USP42: variants seen among roughly 807,000 people sequenced by gnomAD.
USP42 encodes the protein ubiquitin carboxyl-terminal hydrolase 42.
A neutral mutation model predicts 113.0 loss-of-function variants in USP42; 23 were observed. The observed-to-expected ratio is 0.20, with a 90% CI of 0.15 to 0.29. The LOEUF is 0.29. USP42 is among the 10% of genes least tolerant of loss of function. The pLI, the probability that USP42 is intolerant of heterozygous loss-of-function variation, is 1.00. For synonymous variants in USP42, 933 were observed against 699.0 expected (o/e 1.33, Z -5.28); for missense variants, 2,174 against 1,779.8 (o/e 1.22, Z -3.99).
intron 12 of USP42, among the ~76,000 whole-genome samples, chr7:6,148,162 A>G (rs562864890): frequency 1.1e-4 from 17 of 152,128 alleles, no homozygotes; most frequent in Admixed American, 2.0e-4. Context: ...CCAGGGTGAA[A>G]CCCCGTCTCC....
chr7:6,111,385 T>A lies in USP42; in HGVS notation c.241+11T>A. ...CACAAAAGGATCAAGGTACTGTTTT[T>A]CAAAAGAGAGAATTACCGCCAGAAA... On this transcript the variant is annotated intron_variant, in intron 2 of 17. Transcript: ENST00000306177. The A allele has an allele frequency of 2.5e-6, 4 of 1,605,770 alleles. No homozygotes were observed. Among genetic ancestry groups the A allele is most frequent in the Non-Finnish European group, 3.4e-6 (4 of 1,173,974 alleles).
intron 3 of USP42, among the ~76,000 whole-genome samples, chr7:6,123,535 G>A (rs1049978740): frequency 3.3e-5 from 5 of 151,972 alleles, no homozygotes; most frequent in Non-Finnish European, 7.4e-5. Flanking sequence ...GGTGGCGGGC[G>A]CCTGTAGTCC....
In USP42 at chr7:6,161,215, T is replaced by C. The variant is rs1782760548; in HGVS notation, c.*697T>C. ...GTATGTTTCTATTACACAACACTTT[T>C]TGATACAGCGTCTCTTGTCTTCACT... is the stretch of plus-strand genomic sequence containing the variant. On this transcript the variant is annotated 3_prime_UTR_variant, in exon 18 of 18. Coordinates refer to ENST00000306177, the MANE Select transcript of USP42 (RefSeq NM_032172.3). 6.6e-6 allele frequency: 1 copy of C among 152,656 alleles called. No homozygotes were observed. Among genetic ancestry groups the C allele is most frequent in the South Asian group, 2.1e-4 (1 of 4,832 alleles). The allele number at this position is 152,656 out of a possible 1,614,324, so 9.5% of individuals were successfully genotyped here. A position where few individuals can be genotyped will look rare whatever the true frequency, so the allele number is the denominator to read the frequency against.
chr7:6,132,259 C>T (rs956442010), intron 3 of USP42, among the ~76,000 whole-genome samples: 5 of 152,322 alleles, frequency 3.3e-5, no homozygotes, highest in African/African-American at 1.2e-4. Flanking sequence ...AGATATTATT[C>T]CACTGTCTTC....
intron 3 of USP42, 27 bp downstream of exon 3, chr7:6,115,550 T>A (rs1256469892): frequency 6.2e-7 from 1 of 1,611,404 alleles, no homozygotes; most frequent in Non-Finnish European, 8.5e-7. Context: ...GTGTTTGTAG[T>A]ATTGTAGTGC....
At chr7:6,155,638 G>A (rs1481558875) in intron 15 of USP42, among the ~76,000 whole-genome samples, 1 of 152,174 alleles carries the variant, frequency 6.6e-6, no homozygotes, top group African/African-American at 2.4e-5. Flanking sequence ...GACAACAGGA[G>A]GCACACTTTT....
intron 1 of USP42, among the ~76,000 whole-genome samples, chr7:6,105,690 C>T (rs1779240628): frequency 6.6e-6 from 1 of 152,218 alleles, no homozygotes; most frequent in Non-Finnish European, 1.5e-5. Context: ...GGTGGCGCGT[C>T]CCCAAAAGCA....
At chr7:6,152,918 A>C in intron 14 of USP42, 1 of 985,336 alleles carries the variant, frequency 1.0e-6, no homozygotes, top group Non-Finnish European at 1.2e-6. Context: ...TCGAGAGGAA[A>C]GGAGGAGGCC....
At chr7:6,151,015 C>A (rs559659877) in intron 14 of USP42, among the ~76,000 whole-genome samples, 64 of 152,352 alleles carry the variant, frequency 4.2e-4, no homozygotes, top group African/African-American at 1.5e-3. Context: ...TCCTAGGCCA[C>A]AAACCTGCAC....
chr7:6,090,893 A>G, the USP42 span, among the ~76,000 whole-genome samples: 18 of 149,892 alleles, frequency 1.2e-4, 3 homozygotes, highest in African/African-American at 4.5e-4. Context: ...CCTTACGCTT[A>G]TAACTTAACT....
intron 1 of USP42, among the ~76,000 whole-genome samples, chr7:6,109,224 C>T (rs1326061671): frequency 6.6e-6 from 1 of 151,970 alleles, no homozygotes; most frequent in Non-Finnish European, 1.5e-5. Flanking sequence ...ATGTGCAGAG[C>T]CCAGAGACAG....
In USP42 at chr7:6,111,263, T is replaced by C. The variant is rs776775138; in HGVS notation, c.130T>C (p.Leu44=). The C allele has an allele frequency of 8.1e-6, 13 of 1,608,178 alleles. No individual in the cohort carries two copies. In the Admixed American group the frequency reaches 1.5e-4, roughly 19 times the overall value. The change falls in exon 2 of 18, where the codon TTG becomes CTG. Residue 44 remains leucine (L), a synonymous_variant. Transcript: ENST00000306177. The part of the protein sequence containing the change: ...GSASWGAVSS[L]NDVSNHTLSL... ...TGCCAGCTGGGGTGCTGTGTCTTCA[T>C]TGAATGATGTGTCAAATCACACACT... is the stretch of plus-strand genomic sequence containing the variant.
chr7:6,138,087 C>A lies in USP42; in HGVS notation c.554-1005C>A, dbSNP rs889877092. Among the ~76,000 whole-genome samples, 33 of 152,256 alleles carry A rather than the reference C, an allele frequency of 2.2e-4. No individual in the cohort carries two copies. In the South Asian group the frequency reaches 5.4e-3, roughly 25 times the overall value. On this transcript the variant is annotated intron_variant, in intron 4 of 17. Coordinates refer to ENST00000306177, the MANE Select transcript of USP42 (RefSeq NM_032172.3). The stretch of plus-strand genomic sequence containing the variant: ...CTGTGTGTGTGTGTATCCACTGATA[C>A]ACACATGGTTCAGTCATGAAGTTGT...
At chr7:6,122,389 G>A (rs1446233194) in intron 3 of USP42, among the ~76,000 whole-genome samples, 1 of 151,352 alleles carries the variant, frequency 6.6e-6, no homozygotes, top group African/African-American at 2.4e-5. Flanking sequence ...GGGTTCAAGT[G>A]ATCTTCCCAC....
intron 3 of USP42, among the ~76,000 whole-genome samples, chr7:6,115,795 TA>T (rs1433962004): frequency 2.0e-5 from 3 of 151,930 alleles, no homozygotes; most frequent in East Asian, 1.9e-4. Flanking sequence ...CTACACTTAC[TA>T]AAAAAATGTG....
chr7:6,106,292 G>C (rs1189401106), intron 1 of USP42, among the ~76,000 whole-genome samples: 1 of 152,176 alleles, frequency 6.6e-6, no homozygotes, highest in African/African-American at 2.4e-5. Context: ...AATGCTATGA[G>C]AACGTGGATT....
At chr7:6,086,180 A>C in the USP42 span, among the ~76,000 whole-genome samples, 81 of 144,540 alleles carry the variant, frequency 5.6e-4, 1 homozygote, top group Non-Finnish European at 8.2e-4. Context: ...GGATTACAGG[A>C]GCCTGCCACC....
At chr7:6,148,724 T>A (rs1554346463) in intron 12 of USP42, among the ~76,000 whole-genome samples, 1 of 152,180 alleles carries the variant, frequency 6.6e-6, no homozygotes, top group Non-Finnish European at 1.5e-5. Flanking sequence ...GACTTGAGTT[T>A]GTTTTGGATG....
chr7:6,147,963 A>C, intron 12 of USP42, 71 bp downstream of exon 12: 1 of 1,457,812 alleles, frequency 6.9e-7, no homozygotes, highest in Non-Finnish European at 9.4e-7. Context: ...CTCAAGTTGA[A>C]TTGTAGTGGT....
Sources: allele counts gnomAD v4.1 joint callset (sites outside exome capture counted in the v4.1 genomes callset), GRCh38; gene constraint gnomAD v4.1.1; transcripts MANE v1.5; gene names NCBI Gene and HGNC (gene_info 2026-07-23, HGNC 2026-07-21).